Variants in RAB38 observed in about 807,000 individuals in gnomAD.
RAB38 encodes ras-related protein Rab-38.
RAB38 carries 15 observed loss-of-function variants against 18.4 expected under a neutral mutation model. The ratio of observed to expected loss-of-function variants is 0.82; its 90% CI spans 0.55 to 1.26. RAB38 has a LOEUF of 1.26. Ranked by LOEUF, RAB38 falls within the 50% of genes most tolerant of loss-of-function variation. The pLI is 0.00. For missense variants in RAB38, 294 were observed against 267.4 expected, an observed-to-expected ratio of 1.10 and a Z score of -0.69; for synonymous variants, 101 against 104.4, an observed-to-expected ratio of 0.97 and a Z score of 0.20.
chr11:88,007,279 T>G, the RAB38 span, among the ~76,000 whole-genome samples: 1 of 151,912 alleles, frequency 6.6e-6, no homozygotes, highest in African/African-American at 2.4e-5. Flanking sequence ...CACTTAAGAA[T>G]TAATTTTTCT....
chr11:87,877,711 T>G, the RAB38 span, among the ~76,000 whole-genome samples: 1 of 151,682 alleles, frequency 6.6e-6, no homozygotes, highest in Admixed American at 6.6e-5. Flanking sequence ...TCCTAGCTAT[T>G]GTTTCTTTTT....
chr11:88,072,248 C>T, the RAB38 span, among the ~76,000 whole-genome samples: 97,900 of 151,982 alleles, frequency 0.64, 32,042 homozygotes, highest in African/African-American at 0.75. Flanking sequence ...AAATAATAAA[C>T]GCAATACCAA....
chr11:87,958,307 T>C, the RAB38 span, among the ~76,000 whole-genome samples: 1 of 152,194 alleles, frequency 6.6e-6, no homozygotes, highest in Non-Finnish European at 1.5e-5. Context: ...GATGCATTTC[T>C]TAGCTACATA....
the RAB38 span, among the ~76,000 whole-genome samples, chr11:87,826,610 C>T: frequency 1.1e-3 from 168 of 152,212 alleles, 1 homozygote; most frequent in African/African-American, 3.8e-3. Flanking sequence ...CTGAGTCAGT[C>T]AATTTGCTAA....
intron 1 of RAB38, among the ~76,000 whole-genome samples, chr11:88,150,569 G>T (rs1453503266): frequency 2.2e-4 from 34 of 152,146 alleles, no homozygotes; most frequent in Admixed American, 2.2e-3. Flanking sequence ...CCAATTAAAG[G>T]TTATAATACT....
chr11:88,135,755 A>C (rs915163872), intron 2 of RAB38, among the ~76,000 whole-genome samples: 3 of 152,258 alleles, frequency 2.0e-5, no homozygotes, highest in African/African-American at 7.2e-5. Context: ...AAGAGCTACC[A>C]TAACGAGCCT....
the RAB38 span, among the ~76,000 whole-genome samples, chr11:88,077,849 CAAAG>C: frequency 1.3e-5 from 2 of 151,972 alleles, no homozygotes; most frequent in African/African-American, 2.4e-5. Flanking sequence ...AAACTATCAA[CAAAG>C]AGAGGTGATA....
rs150578048 is a variant in RAB38, at chr11:88,122,100, G to C, written c.484-7960C>G. On this transcript the variant is annotated intron_variant, in intron 2 of 2. Transcript: ENST00000243662. ...AGTTCCTGGCCCCTGAAAATAATCT[G>C]AGTTCAACATCCTCGCCTTTTTTGC... is the stretch of plus-strand genomic sequence containing the variant. Among the ~76,000 whole-genome samples, 733 of 152,166 alleles carry C rather than the reference G, an allele frequency of 4.8e-3. 4 individuals carry two copies. The highest frequency in any genetic ancestry group is 0.02 in the Middle Eastern group (6 of 294).
chr11:87,917,759 T>G, the RAB38 span, among the ~76,000 whole-genome samples: 5 of 152,060 alleles, frequency 3.3e-5, no homozygotes, highest in African/African-American at 1.2e-4. Context: ...TTTTCTACCC[T>G]CATAGCAAAG....
chr11:88,104,438 T>C, the RAB38 span, among the ~76,000 whole-genome samples: 8 of 152,268 alleles, frequency 5.3e-5, no homozygotes, highest in East Asian at 1.9e-4. Flanking sequence ...GATTGAAATG[T>C]GTCATTTGAG....
At chr11:87,814,121 C>A in the RAB38 span, among the ~76,000 whole-genome samples, 27 of 152,202 alleles carry the variant, frequency 1.8e-4, no homozygotes, top group African/African-American at 6.0e-4. Context: ...ATTGACAACA[C>A]CCCCAAGTGT....
At chr11:87,832,023 T>A in the RAB38 span, among the ~76,000 whole-genome samples, 279 of 152,298 alleles carry the variant, frequency 1.8e-3, no homozygotes, top group African/African-American at 6.3e-3. Context: ...AAAAGAAATG[T>A]TATATATGAC....
chr11:87,914,985 A>T, the RAB38 span, among the ~76,000 whole-genome samples: 9 of 152,166 alleles, frequency 5.9e-5, no homozygotes, highest in Non-Finnish European at 1.2e-4. Context: ...CAGAGGTTGT[A>T]TCAGAAAACT....
chr11:87,823,298 C>T, the RAB38 span, among the ~76,000 whole-genome samples: 2 of 151,752 alleles, frequency 1.3e-5, no homozygotes, highest in South Asian at 2.1e-4. Context: ...ATACCAGGTT[C>T]GTAGATTAAA....
At chr11:88,081,113 A>T in the RAB38 span, among the ~76,000 whole-genome samples, 1 of 151,908 alleles carries the variant, frequency 6.6e-6, no homozygotes, top group Non-Finnish European at 1.5e-5. Context: ...TGGCTAAAAC[A>T]AAATAAAAGA....
At chr11:88,007,685 GTTTCT>G in the RAB38 span, among the ~76,000 whole-genome samples, 1 of 151,950 alleles carries the variant, frequency 6.6e-6, no homozygotes, top group East Asian at 1.9e-4. Context: ...CTCTTTGGCA[GTTTCT>G]TTTAAGTTTG....
chr11:88,043,778 T>C, the RAB38 span, among the ~76,000 whole-genome samples: 87 of 152,294 alleles, frequency 5.7e-4, no homozygotes, highest in Non-Finnish European at 6.0e-4. Context: ...TGTTTGGTGG[T>C]CTCTTCACAT....
the RAB38 span, among the ~76,000 whole-genome samples, chr11:87,853,470 C>A: frequency 6.6e-6 from 1 of 152,146 alleles, no homozygotes; most frequent in South Asian, 2.1e-4. Context: ...TGTGCTGGCG[C>A]CTTGGTCTTG....
intron 2 of RAB38, among the ~76,000 whole-genome samples, chr11:88,124,942 A>C (rs2134785143): frequency 6.6e-6 from 1 of 152,326 alleles, no homozygotes; most frequent in South Asian, 2.1e-4. Flanking sequence ...CTACGCAATA[A>C]GTTATGTGAC....
Sources: allele counts gnomAD v4.1 joint callset (sites outside exome capture counted in the v4.1 genomes callset), GRCh38; gene constraint gnomAD v4.1.1; transcripts MANE v1.5; gene names NCBI Gene and HGNC (gene_info 2026-07-23, HGNC 2026-07-21).